The following APAF1 variants were observed in gnomAD, a reference collection of about 807,000 sequenced individuals.
APAF1 encodes apoptotic protease-activating factor 1.
A neutral mutation model predicts 152.4 loss-of-function variants in APAF1; 91 were observed. That is an observed-to-expected ratio of 0.60 (90% CI 0.50 to 0.71). The LOEUF is 0.71. APAF1 is among the 30% of genes least tolerant of loss of function. The pLI is 0.00. For missense variants in APAF1, 1,283 were observed against 1,472.0 expected, an observed-to-expected ratio of 0.87 and a Z score of 2.10; for synonymous variants, 484 against 494.1, an observed-to-expected ratio of 0.98 and a Z score of 0.27.
chr12:98,674,584 C>T (rs889004381), intron 12 of APAF1, among the ~76,000 whole-genome samples: 5 of 152,166 alleles, frequency 3.3e-5, no homozygotes, highest in Admixed American at 6.5e-5. Context: ...TTGGTTTTCT[C>T]TCATACTAGT....
intron 7 of APAF1, 25 bp from the exon 8 acceptor site, chr12:98,665,528 T>G: frequency 1.3e-6 from 2 of 1,490,112 alleles, no homozygotes; most frequent in Non-Finnish European, 1.9e-6. Flanking sequence ...GGTATTAGCA[T>G]AGTGACTTCA....
chr12:98,667,135 T>C (rs1476823186), intron 9 of APAF1, among the ~76,000 whole-genome samples: 1 of 150,822 alleles, frequency 6.6e-6, no homozygotes, highest in Non-Finnish European at 1.5e-5. Context: ...TGAGACAGGG[T>C]CTTACTGTGT....
chr12:98,682,044 ATTTTTTTGTT>A (rs1266861732), intron 14 of APAF1, among the ~76,000 whole-genome samples: 1 of 141,204 alleles, frequency 7.1e-6, no homozygotes, highest in African/African-American at 2.7e-5. Flanking sequence ...ATGATGATTA[ATTTTTTTGTT>A]TTTTTTTTTT....
In APAF1 at chr12:98,654,897, T is replaced by C. The variant is rs2097654627; in HGVS notation, c.527-4263T>C. ...CACAGAGGGGGATTTGGCAGGGTCA[T>C]GGGACAATAGTGGAGGGAAGGTCAG... On this transcript the variant is annotated intron_variant, in intron 4 of 26. Transcript: ENST00000551964. Among the ~76,000 whole-genome samples the C allele has an allele frequency of 7.1e-5, 9 of 127,196 alleles. No homozygotes were observed. The South Asian group carries it at 2.6e-3, about 36-fold the overall frequency. 83.4% of individuals were successfully genotyped at this position (127,196 alleles called of 152,430 possible).
intron 7 of APAF1, among the ~76,000 whole-genome samples, 199 bp downstream of exon 7, chr12:98,663,005 CCATCTACCCA>C (rs2097667519): frequency 6.6e-6 from 1 of 152,142 alleles, no homozygotes; most frequent in African/African-American, 2.4e-5. Context: ...ATAATATTTA[CCATCTACCCA>C]CAGTGTGTTA....
At chr12:98,666,707 T>C (rs1198283791) in intron 9 of APAF1, among the ~76,000 whole-genome samples, 1 of 152,218 alleles carries the variant, frequency 6.6e-6, no homozygotes, top group Non-Finnish European at 1.5e-5. Flanking sequence ...TGAAGAGTAC[T>C]GGCTAGTAAT....
chr12:98,723,409 C>A (rs2097745855), intron 23 of APAF1, 97 bp downstream of exon 23: 1 of 1,385,054 alleles, frequency 7.2e-7, no homozygotes, highest in Non-Finnish European at 1.0e-6. Context: ...TAATTACTTA[C>A]TTAAAAATTT....
intron 16 of APAF1, among the ~76,000 whole-genome samples, chr12:98,692,372 T>G (rs1041610602): frequency 1.3e-5 from 2 of 152,110 alleles, no homozygotes; most frequent in African/African-American, 4.8e-5. Flanking sequence ...CGTGAGCCAC[T>G]GCACCCAGCC....
chr12:98,707,694 A>ATG (rs746933460), intron 19 of APAF1, among the ~76,000 whole-genome samples: 3 of 146,490 alleles, frequency 2.0e-5, no homozygotes, highest in Non-Finnish European at 4.5e-5. Context: ...GCAAAGTACT[A>ATG]TATATATATA....
rs189410462 is a variant in APAF1 at position 98,679,236 on chromosome 12, C to T, written c.1921-1041C>T. Among the ~76,000 whole-genome samples the T allele has an allele frequency of 4.6e-3, 694 of 152,266 alleles. 3 individuals carry two copies. Among genetic ancestry groups the T allele is most frequent in the Middle Eastern group, 0.01 (3 of 294 alleles). ...CAACCAGCTGCAGAGAGGAGCAACC[C>T]ACTCTAGTGCCCCCTCTTTGCTGAG... On this transcript the variant is annotated intron_variant, in intron 13 of 26. Coordinates refer to ENST00000551964, the MANE Select transcript of APAF1 (RefSeq NM_181861.2).
intron 17 of APAF1, 147 bp from the exon 18 acceptor site, chr12:98,703,224 T>C (rs1020900249): frequency 2.5e-6 from 2 of 800,534 alleles, no homozygotes; most frequent in African/African-American, 3.4e-5. Flanking sequence ...TATTGATCCA[T>C]ATTTTGTTTA....
intron 5 of APAF1, 60 bp from the exon 6 acceptor site, chr12:98,662,396 T>A: frequency 2.3e-6 from 3 of 1,315,212 alleles, no homozygotes; most frequent in Non-Finnish European, 3.3e-6. Context: ...TGGGATTATC[T>A]TTTTAAAAGG....
chr12:98,705,790 A>T (rs2097720769), intron 18 of APAF1, among the ~76,000 whole-genome samples: 1 of 152,218 alleles, frequency 6.6e-6, no homozygotes, highest in Non-Finnish European at 1.5e-5. Flanking sequence ...GTTAGATGAC[A>T]GTATTAGTGG....
At chr12:98,653,638 C>T (rs145961418) in intron 4 of APAF1, among the ~76,000 whole-genome samples, 1,103 of 106,994 alleles carry the variant, frequency 0.01, 13 homozygotes, top group African/African-American at 0.039. Context: ...TCCTGGGTGA[C>T]AGAGTGAGAT....
At chr12:98,654,837 A>AT (rs1409707316) in intron 4 of APAF1, among the ~76,000 whole-genome samples, 10 of 94,864 alleles carry the variant, frequency 1.1e-4, no homozygotes, top group East Asian at 6.0e-4. Context: ...TTTTTTTTTA[A>AT]TTTATTTTTT....
In APAF1 at chr12:98,648,704, A is replaced by C. The variant is rs757661181; in HGVS notation, c.217A>C (p.Asn73His). 1.9e-6 allele frequency: 3 copies of C among 1,613,526 alleles called. No homozygotes were observed. Among genetic ancestry groups the C allele is most frequent in the Non-Finnish European group, 2.5e-6 (3 of 1,179,626 alleles). The change falls in exon 3 of 27, where the codon AAT (asparagine) becomes CAT (histidine). Residue 73 changes from asparagine (N) to histidine (H), a missense_variant. Physicochemically the swap from Asn to His is moderately conservative, Grantham distance 68. Transcript: ENST00000551964. ...TAATGATTCCTACGTATCATTCTAC[A>C]ATGCTCTACTACATGAAGGATATAA... Reference protein sequence around the residue: ...KDNDSYVSFYNALLHEGYKDL... With the variant: ...KDNDSYVSFYHALLHEGYKDL...
Position 98,734,072 on chromosome 12 carries a change from A to G in APAF1, c.*1506A>G, listed in dbSNP as rs1322161252. On this transcript the variant is annotated 3_prime_UTR_variant, in exon 27 of 27. Coordinates refer to ENST00000551964, the MANE Select transcript of APAF1 (RefSeq NM_181861.2). ...AATAGAACAATTTTCATCTAATTCC[A>G]TTTACTTTTAGATGAATGGCATTGT... The G allele has an allele frequency of 2.0e-5, 3 of 152,140 alleles. No individual in the cohort carries two copies. The highest frequency in any genetic ancestry group is 2.0e-4 in the Admixed American group (3 of 15,272). The allele number at this position is 152,140 out of a possible 1,614,324, so 9.4% of individuals were successfully genotyped here.
Position 98,677,556 on chromosome 12 carries a change from A to ATT in APAF1, c.1920+5_1920+6insTT, listed in dbSNP as rs754393240. 15 of 1,614,066 alleles carry ATT rather than the reference A, an allele frequency of 9.3e-6. No individual in the cohort carries two copies. In the Admixed American group the frequency reaches 1.5e-4, roughly 16 times the overall value. ...GGAGCTGATAAAACCTTACAGGTAA[A>ATT]ACACATCTCTTGAGAAAAATGCAAA... is the stretch of plus-strand genomic sequence containing the variant. On this transcript the variant is annotated splice_donor_region_variant and intron_variant, in intron 13 of 26. Transcript: ENST00000551964.
At chr12:98,691,523 A>T (rs1195679323) in intron 16 of APAF1, among the ~76,000 whole-genome samples, 1 of 152,120 alleles carries the variant, frequency 6.6e-6, no homozygotes, top group Non-Finnish European at 1.5e-5. Flanking sequence ...CTCCCTGCTT[A>T]ACCATTTTTT....
Sources: gnomAD v4.1 joint callset for allele counts (sites outside exome capture counted in the v4.1 genomes callset) on GRCh38, gnomAD v4.1.1 for gene constraint, MANE v1.5 for transcripts, NCBI Gene and HGNC (gene_info 2026-07-23, HGNC 2026-07-21) for gene names.